The following LEPR variants were observed in gnomAD, a reference collection of about 807,000 sequenced individuals.
LEPR encodes OB receptor.
Under a neutral mutation model 114.7 loss-of-function variants are expected in LEPR, and 56 were observed. The observed-to-expected ratio is 0.49, with a 90% CI of 0.39 to 0.61. The LOEUF (loss-of-function observed/expected upper bound fraction) is 0.61. Among genes scored for constraint, LEPR ranks in the 20% least tolerant of loss-of-function variants. LEPR has a pLI of 0.00. For missense variants in LEPR, 1,202 were observed against 1,352.9 expected (o/e 0.89, Z 1.75); for synonymous variants, 443 against 461.4 (o/e 0.96, Z 0.51).
At chr1:65,449,676 C>T (rs1169074189) in intron 2 of LEPR, among the ~76,000 whole-genome samples, 1 of 151,488 alleles carries the variant, frequency 6.6e-6, no homozygotes, top group Non-Finnish European at 1.5e-5. Context: ...TGTCCAGGGC[C>T]TATTTATCTT....
chr1:65,430,802 A>C (rs1042463537), intron 2 of LEPR, among the ~76,000 whole-genome samples: 1 of 151,806 alleles, frequency 6.6e-6, no homozygotes, highest in Non-Finnish European at 1.5e-5. Flanking sequence ...CTGGGTAAGT[A>C]TACTATAAGT....
In LEPR at chr1:65,598,680, T is replaced by C. The variant is rs889219106; in HGVS notation, c.870T>C (p.Ala290=). 1 of 1,613,456 alleles carries C rather than the reference T, an allele frequency of 6.2e-7. No individual in the cohort carries two copies. The highest frequency in any genetic ancestry group is 1.3e-5 in the African/African-American group (1 of 75,026). ...VIREADKIVS[A]TSLLVDSILP... is the part of the protein sequence containing the mutation. ...AACAGGCTGACAAGATTGTCTCAGC[T>C]ACATCCCTGCTAGTAGACAGTATAC... The change falls in exon 8 of 20, where the codon GCT becomes GCC. Residue 290 remains alanine (A), a synonymous_variant. Transcript: ENST00000349533.
chr1:65,581,669 T>C (rs1339514770), intron 5 of LEPR, among the ~76,000 whole-genome samples: 4 of 152,170 alleles, frequency 2.6e-5, no homozygotes, highest in Middle Eastern at 3.2e-3. Context: ...ATTTTAACAG[T>C]GTTTGCTATC....
rs759835889 is a variant in LEPR at position 65,636,477 on chromosome 1, C to T, written c.2960C>T (p.Ala987Val). 9 of 1,614,044 alleles carry T rather than the reference C, an allele frequency of 5.6e-6. No individual in the cohort carries two copies. In the Admixed American group the frequency reaches 1.0e-4, roughly 18 times the overall value. ...CAGAGACAACCCTTTGTTAAATACGCCACGCTGATCAGCAACTCTAAACCA... is the reference window on the plus strand; with the variant it reads ...CAGAGACAACCCTTTGTTAAATACGTCACGCTGATCAGCAACTCTAAACCA... ...ESQRQPFVKY[A>V]TLISNSKPSE... The change falls in exon 20 of 20, where the codon GCC becomes GTC. Residue 987 changes from alanine to valine, a missense_variant. Coordinates refer to ENST00000349533, the MANE Select transcript of LEPR (RefSeq NM_002303.6).
intron 4 of LEPR, 93 bp downstream of exon 4, chr1:65,570,895 C>T: frequency 1.9e-6 from 2 of 1,043,596 alleles, no homozygotes; most frequent in Non-Finnish European, 2.6e-6. Context: ...ATGATTTTAA[C>T]ATACATAATC....
chr1:65,473,414 A>G (rs915994195), intron 2 of LEPR, among the ~76,000 whole-genome samples: 3 of 152,234 alleles, frequency 2.0e-5, no homozygotes, highest in Admixed American at 1.3e-4. Flanking sequence ...AGAATATGCT[A>G]TGACAGTATC....
rs565678411 is a variant in LEPR, at chr1:65,499,794, T to C, written c.-20-65752T>C. 4.6e-5 allele frequency among the ~76,000 whole-genome samples: 7 copies of C among 152,274 alleles called. No individual in the cohort carries two copies. The South Asian group carries it at 1.4e-3, about 32-fold the overall frequency. ...TCGATGTTTGTTTACCCCAAGTATT[T>C]GTATAAAATTTTACACACAACCTTC... On this transcript the variant is annotated intron_variant, in intron 2 of 19. Transcript: ENST00000349533.
intron 2 of LEPR, among the ~76,000 whole-genome samples, chr1:65,455,276 C>G (rs1054370520): frequency 1.3e-5 from 2 of 152,214 alleles, no homozygotes; most frequent in African/African-American, 2.4e-5. Context: ...GCCTTCTTCT[C>G]TCAGCTCGTC....
chr1:65,569,655 C>T (rs1038083655), intron 3 of LEPR, among the ~76,000 whole-genome samples: 4 of 135,266 alleles, frequency 3.0e-5, no homozygotes, highest in Admixed American at 1.7e-4. Context: ...TGCAGTGAGT[C>T]GAGATCATGC....
chr1:65,432,191 C>T (rs1646495153), intron 2 of LEPR: 1 of 1,090,344 alleles, frequency 9.2e-7, no homozygotes, highest in Admixed American at 5.0e-5. Flanking sequence ...TTAACGCAGT[C>T]TTGTAGGCAG....
rs1023375918 is a variant in LEPR at position 65,634,960 on chromosome 1, T to G, written c.2674-1231T>G. 4 of 816,912 alleles carry G rather than the reference T, an allele frequency of 4.9e-6. No individual in the cohort carries two copies. The South Asian group carries it at 2.3e-4, about 46-fold the overall frequency. 50.6% of individuals were successfully genotyped at this position (816,912 alleles called of 1,614,324 possible). ...TAGGAAAGTTGTATTAATTCAGTAT[T>G]TGTCATTATGCAGTATTTTAATACC... On this transcript the variant is annotated intron_variant, in intron 19 of 19. Coordinates refer to ENST00000349533, the MANE Select transcript of LEPR (RefSeq NM_002303.6).
chr1:65,492,730 C>T (rs1358654755), intron 2 of LEPR, among the ~76,000 whole-genome samples: 1 of 151,084 alleles, frequency 6.6e-6, no homozygotes, highest in East Asian at 1.9e-4. Flanking sequence ...GATTCCTGGC[C>T]TTTCGTATAG....
At chr1:65,617,859 T>C (rs1657625634) in intron 15 of LEPR, 105 bp from the exon 16 acceptor site, 3 of 1,143,948 alleles carry the variant, frequency 2.6e-6, no homozygotes, top group Non-Finnish European at 2.4e-6. Context: ...AAATTGTCTG[T>C]CTTCTCTTCC....
chr1:65,453,841 G>A (rs1346736373), intron 2 of LEPR, among the ~76,000 whole-genome samples: 2 of 151,570 alleles, frequency 1.3e-5, no homozygotes. Context: ...TATCCTTGTT[G>A]ACTTTCTGTC....
intron 16 of LEPR, 35 bp downstream of exon 16, chr1:65,618,181 GGAT>G: frequency 6.4e-7 from 1 of 1,563,850 alleles, no homozygotes; most frequent in Non-Finnish European, 8.7e-7. Flanking sequence ...TTGCTCTCAT[GGAT>G]TAATATGACA....
chr1:65,630,276 C>T (rs974571159), intron 19 of LEPR: 24 of 328,372 alleles, frequency 7.3e-5, no homozygotes, highest in Admixed American at 5.8e-4. Flanking sequence ...ACAAACACTG[C>T]GGAAGGCCAC....
At chr1:65,455,541 A>T (rs571728563) in intron 2 of LEPR, among the ~76,000 whole-genome samples, 7 of 151,872 alleles carry the variant, frequency 4.6e-5, no homozygotes, top group African/African-American at 7.3e-5. Context: ...GTACCCGGCC[A>T]TGTGAGGTGT....
chr1:65,568,171 A>G (rs141107829), intron 3 of LEPR, among the ~76,000 whole-genome samples: 1,911 of 152,302 alleles, frequency 0.013, 50 homozygotes, highest in Admixed American at 0.071. Context: ...TTGGAATAAC[A>G]TAGTATATAG....
intron 2 of LEPR, among the ~76,000 whole-genome samples, chr1:65,476,799 A>G (rs1647165209): frequency 1.3e-5 from 2 of 152,230 alleles, no homozygotes; most frequent in African/African-American, 2.4e-5. Context: ...AAAAATACGT[A>G]TAACTTAAAA....
Sources: allele counts gnomAD v4.1 joint callset (sites outside exome capture counted in the v4.1 genomes callset), GRCh38; gene constraint gnomAD v4.1.1; transcripts MANE v1.5; gene names NCBI Gene and HGNC (gene_info 2026-07-23, HGNC 2026-07-21).